VPS41: variants seen among roughly 807,000 people sequenced by gnomAD.
The protein encoded by VPS41 is VPS41 subunit of HOPS complex.
In VPS41, 85 loss-of-function variants were observed where a neutral mutation model predicts 130.9. The observed-to-expected ratio is 0.65, with a 90% CI of 0.55 to 0.78. The LOEUF (loss-of-function observed/expected upper bound fraction) is 0.78. Among genes scored for constraint, VPS41 ranks in the 30% least tolerant of loss-of-function variants. VPS41 has a pLI of 0.00. For missense variants in VPS41, 874 were observed against 1,018.7 expected, an observed-to-expected ratio of 0.86 and a Z score of 1.93; for synonymous variants, 335 against 332.9, an observed-to-expected ratio of 1.01 and a Z score of -0.07.
intron 7 of VPS41, among the ~76,000 whole-genome samples, chr7:38,814,128 A>G (rs962016790): frequency 6.6e-6 from 1 of 152,174 alleles, no homozygotes; most frequent in African/African-American, 2.4e-5. Context: ...GATCTACTCA[A>G]TGGACTCTGA....
At chr7:38,762,150 A>C (rs1333742566) in intron 17 of VPS41, among the ~76,000 whole-genome samples, 2 of 152,196 alleles carry the variant, frequency 1.3e-5, no homozygotes, top group Non-Finnish European at 2.9e-5. Flanking sequence ...ATCATATTTC[A>C]TGTTAGGCTT....
chr7:38,905,784 G>GT (rs1328215859), intron 1 of VPS41, among the ~76,000 whole-genome samples: 3 of 151,842 alleles, frequency 2.0e-5, no homozygotes, highest in African/African-American at 7.3e-5. Flanking sequence ...ATTTTTGGGG[G>GT]TTTTTTTGTT....
intron 25 of VPS41, among the ~76,000 whole-genome samples, chr7:38,729,099 C>A (rs1255981102): frequency 6.6e-6 from 1 of 152,200 alleles, no homozygotes; most frequent in Non-Finnish European, 1.5e-5. Context: ...TATTAACTAA[C>A]CCTATTGCTA....
chr7:38,878,439 C>T (rs1786535148), intron 2 of VPS41, among the ~76,000 whole-genome samples: 1 of 152,068 alleles, frequency 6.6e-6, no homozygotes, highest in Non-Finnish European at 1.5e-5. Context: ...ATAAAAACTT[C>T]CAAATTCATT....
chr7:38,750,326 T>C (rs1454456799), intron 22 of VPS41, among the ~76,000 whole-genome samples: 1 of 152,224 alleles, frequency 6.6e-6, no homozygotes, highest in Non-Finnish European at 1.5e-5. Context: ...AGATAATCTC[T>C]TATGAAGAAG....
chr7:38,870,587 A>G (rs1385045913), intron 2 of VPS41, among the ~76,000 whole-genome samples: 1 of 152,250 alleles, frequency 6.6e-6, no homozygotes, highest in Non-Finnish European at 1.5e-5. Context: ...TTTCATGTAC[A>G]GTACTAAGGA....
At chr7:38,755,523 A>C (rs1783773498) in intron 19 of VPS41, among the ~76,000 whole-genome samples, 1 of 152,214 alleles carries the variant, frequency 6.6e-6, no homozygotes, top group South Asian at 2.1e-4. Flanking sequence ...GTTTATGTCA[A>C]GAGGAAGAGG....
At chr7:38,755,067 C>G (rs1272041395) in intron 19 of VPS41, 131 bp from the exon 20 acceptor site, 12 of 718,850 alleles carry the variant, frequency 1.7e-5, no homozygotes, top group Admixed American at 8.4e-5. Context: ...AGGCCCTTGG[C>G]TTTACAATGG....
chr7:38,858,985 C>T (rs1786044406), intron 4 of VPS41, among the ~76,000 whole-genome samples: 1 of 151,890 alleles, frequency 6.6e-6, no homozygotes, highest in African/African-American at 2.4e-5. Context: ...CGTTACTACC[C>T]CTGAAGGCCT....
intron 7 of VPS41, among the ~76,000 whole-genome samples, chr7:38,802,281 A>G (rs1158573413): frequency 6.6e-6 from 1 of 152,160 alleles, no homozygotes; most frequent in Admixed American, 6.5e-5. Context: ...CACAGCGCCT[A>G]CTTCTCCAGG....
chr7:38,869,476 C>G (rs768919559), intron 2 of VPS41, among the ~76,000 whole-genome samples: 17 of 152,136 alleles, frequency 1.1e-4, no homozygotes, highest in Non-Finnish European at 2.4e-4. Context: ...CAAGAGTATA[C>G]AGACTTGGTG....
chr7:38,761,439 T>C (rs10242048), intron 17 of VPS41, among the ~76,000 whole-genome samples: 99,278 of 145,616 alleles, frequency 0.68, 33,711 homozygotes, highest in Admixed American at 0.8. Context: ...CCATGCCTGG[T>C]TAATTTTTGT....
chr7:38,868,542 C>T (rs1323613447), intron 3 of VPS41, among the ~76,000 whole-genome samples: 2 of 152,032 alleles, frequency 1.3e-5, no homozygotes, highest in Non-Finnish European at 2.9e-5. Flanking sequence ...CCCTGCCCCC[C>T]AATATTCTGA....
chr7:38,788,815 C>T (rs999948831), intron 10 of VPS41, among the ~76,000 whole-genome samples: 4 of 152,148 alleles, frequency 2.6e-5, no homozygotes, highest in Non-Finnish European at 5.9e-5. Flanking sequence ...CTACCACCAA[C>T]TTCTGACTTC....
intron 2 of VPS41, among the ~76,000 whole-genome samples, chr7:38,870,749 A>T (rs1220490452): frequency 6.9e-6 from 1 of 145,510 alleles, no homozygotes; most frequent in Non-Finnish European, 1.5e-5. Flanking sequence ...CAAAAAAAAA[A>T]AAAAAAAAAA....
At chr7:38,785,189 T>G (rs1784418388) in intron 10 of VPS41, among the ~76,000 whole-genome samples, 1 of 152,216 alleles carries the variant, frequency 6.6e-6, no homozygotes, top group Admixed American at 6.5e-5. Context: ...GTTTAGACAT[T>G]CTGTCAGCAT....
intron 9 of VPS41, among the ~76,000 whole-genome samples, chr7:38,794,388 A>G (rs1043555937): frequency 3.9e-5 from 6 of 152,194 alleles, no homozygotes; most frequent in African/African-American, 1.4e-4. Flanking sequence ...AAGTGTAACA[A>G]TGTTTGTTTT....
At chr7:38,727,564 G>A (rs1351949464) in intron 27 of VPS41, among the ~76,000 whole-genome samples, 1 of 152,190 alleles carries the variant, frequency 6.6e-6, no homozygotes, top group Non-Finnish European at 1.5e-5. Context: ...GGGAATGTAT[G>A]TGGTTCCTTT....
intron 17 of VPS41, 24 bp from the exon 18 acceptor site, chr7:38,758,505 AAAG>A (rs763188295): frequency 6.3e-7 from 1 of 1,598,778 alleles, no homozygotes. Context: ...AAAAACAGAA[AAAG>A]AACACTCATT....
Sources: allele counts gnomAD v4.1 joint callset (sites outside exome capture counted in the v4.1 genomes callset), GRCh38; gene constraint gnomAD v4.1.1; transcripts MANE v1.5; gene names NCBI Gene and HGNC (gene_info 2026-07-23, HGNC 2026-07-21).